Variants in IQCK observed in about 807,000 individuals in gnomAD.
IQCK encodes IQ motif containing K.
A neutral mutation model predicts 28.1 loss-of-function variants in IQCK; 29 were observed. The observed-to-expected ratio is 1.03, with a 90% CI of 0.77 to 1.41. IQCK has a LOEUF of 1.41. Among genes scored for constraint, IQCK ranks in the 40% most tolerant of loss-of-function variants. The probability of loss-of-function intolerance (pLI) is 0.00; values close to 1 mark genes in which losing one functional copy is unlikely to be tolerated. For missense variants in IQCK, 359 were observed against 314.7 expected (o/e 1.14, Z -1.07); for synonymous variants, 113 against 115.1 (o/e 0.98, Z 0.12).
chr16:19,743,966 TTGTGTGG>T (rs899672689), intron 4 of IQCK, among the ~76,000 whole-genome samples: 2 of 152,042 alleles, frequency 1.3e-5, no homozygotes, highest in Non-Finnish European at 2.9e-5. Flanking sequence ...CACACATCTA[TTGTGTGG>T]TGTGTGGTGT....
intron 4 of IQCK, among the ~76,000 whole-genome samples, chr16:19,752,847 AGCCATCGTGCCCGG>A (rs1208499660): frequency 1.3e-5 from 2 of 152,150 alleles, no homozygotes; most frequent in African/African-American, 4.8e-5. Flanking sequence ...TACAGGTATG[AGCCATCGTGCCCGG>A]ACCTTTTAAA....
Position 19,735,346 on chromosome 16 carries a change from G to A in IQCK, c.377-7G>A. 1 of 1,608,950 alleles carries A rather than the reference G, an allele frequency of 6.2e-7. No homozygotes were observed. The highest frequency in any genetic ancestry group is 8.5e-7 in the Non-Finnish European group (1 of 1,175,356). The stretch of plus-strand genomic sequence containing the variant: ...TTGCAGGGGGAATTTTTGTTTGTTT[G>A]TTTTAGGTTCTCCCAAAGAATATTT... On this transcript the variant is annotated splice_polypyrimidine_tract_variant and splice_region_variant and intron_variant, in intron 3 of 7. Coordinates refer to ENST00000564186, the Ensembl canonical transcript of IQCK.
chr16:19,819,700 C>T (rs1043147707), intron 7 of IQCK: 1 of 152,340 alleles, frequency 6.6e-6, no homozygotes, highest in Non-Finnish European at 1.5e-5. Flanking sequence ...ATTTACCACT[C>T]CTATACCTTA....
At chr16:19,822,426 A>G (rs567976663) in intron 7 of IQCK, among the ~76,000 whole-genome samples, 80 of 152,052 alleles carry the variant, frequency 5.3e-4, no homozygotes, top group African/African-American at 1.9e-3. Context: ...TGTCCCATTA[A>G]GTGATGAATG....
chr16:19,810,515 A>G (rs550241672), intron 7 of IQCK, among the ~76,000 whole-genome samples: 1 of 144,498 alleles, frequency 6.9e-6, no homozygotes, highest in East Asian at 2.2e-4. Context: ...AAAAAGAAAA[A>G]GAAAATAGAG....
intron 4 of IQCK, among the ~76,000 whole-genome samples, chr16:19,745,906 G>C (rs942215562): frequency 6.6e-6 from 1 of 152,180 alleles, no homozygotes; most frequent in African/African-American, 2.4e-5. Context: ...GGCCAGCCCA[G>C]CTCCTTTACA....
chr16:19,767,407 G>A (rs890556502), intron 6 of IQCK, among the ~76,000 whole-genome samples: 1 of 152,116 alleles, frequency 6.6e-6, no homozygotes, highest in African/African-American at 2.4e-5. Context: ...GCCGATGGAG[G>A]AGCCAGAAGG....
At chr16:19,768,126 A>G (rs1054462083) in intron 6 of IQCK, among the ~76,000 whole-genome samples, 6 of 151,774 alleles carry the variant, frequency 4.0e-5, no homozygotes, top group Admixed American at 3.9e-4. Context: ...AATAAATAAT[A>G]TAATTGAGCC....
intron 9 of IQCK, among the ~76,000 whole-genome samples, chr16:19,842,888 A>G (rs1057202682): frequency 6.6e-6 from 1 of 152,210 alleles, no homozygotes; most frequent in East Asian, 1.9e-4. Context: ...CTTATAACAC[A>G]GACAGCTTGT....
At chr16:19,733,502 T>G (rs1406422367) in intron 2 of IQCK, among the ~76,000 whole-genome samples, 196 bp from the exon 3 acceptor site, 1 of 152,138 alleles carries the variant, frequency 6.6e-6, no homozygotes, top group African/African-American at 2.4e-5. Context: ...CTGGTCCTTC[T>G]TTTCTCTATC....
rs541440641 is a variant in IQCK, at chr16:19,718,490, A to G, written c.181+3A>G. The G allele has an allele frequency of 4.8e-5, 77 of 1,600,012 alleles. No individual in the cohort carries two copies. In the South Asian group the frequency reaches 8.0e-4, roughly 17 times the overall value. ...TCTGTGGGAGCAGATCTGCAAGGGTAGGAAACCTGGGCTGGCCGAGAGGGG... is the reference window on the plus strand; with the variant it reads ...TCTGTGGGAGCAGATCTGCAAGGGTGGGAAACCTGGGCTGGCCGAGAGGGG... On this transcript the variant is annotated splice_donor_region_variant and intron_variant, in intron 1 of 7. Coordinates refer to ENST00000564186, the Ensembl canonical transcript of IQCK.
chr16:19,732,689 C>T (rs1395955342), intron 2 of IQCK, among the ~76,000 whole-genome samples: 2 of 152,166 alleles, frequency 1.3e-5, no homozygotes. Flanking sequence ...TCTCAAACTC[C>T]TAGACTCAAG....
rs1472985923 is a variant in IQCK, at chr16:19,799,640, A to ACACAC, written c.690+10719_690+10720insACACC. 2.1e-4 allele frequency among the ~76,000 whole-genome samples: 24 copies of ACACAC among 111,798 alleles called. 3 individuals carry two copies. The highest frequency in any genetic ancestry group is 9.7e-4 in the African/African-American group (21 of 21,666). 73.3% of individuals were successfully genotyped at this position (111,798 alleles called of 152,430 possible). On this transcript the variant is annotated intron_variant, in intron 7 of 7. Transcript: ENST00000564186. ...CACACACACACACACACACACACACACCCAGTGAATACATTGAGTCATAAC... is the reference window on the plus strand; with the variant it reads ...CACACACACACACACACACACACACACACACCCCAGTGAATACATTGAGTCATAAC...
chr16:19,857,853 A>G (rs1426869207), exon 10 of IQCK: 2 of 153,774 alleles, frequency 1.3e-5, no homozygotes, highest in East Asian at 1.9e-4. Flanking sequence ...AAGCTGTCAG[A>G]GCTGACTCCC....
intron 9 of IQCK, among the ~76,000 whole-genome samples, chr16:19,842,735 A>G (rs1191769355): frequency 6.6e-6 from 1 of 152,232 alleles, no homozygotes; most frequent in African/African-American, 2.4e-5. Flanking sequence ...TATAGTTAGC[A>G]TATCTAAATT....
At chr16:19,833,346 C>G (rs577930326) in intron 9 of IQCK, among the ~76,000 whole-genome samples, 2 of 152,046 alleles carry the variant, frequency 1.3e-5, no homozygotes, top group East Asian at 3.9e-4. Flanking sequence ...GCCATTTGTT[C>G]GGGAAATACT....
At chr16:19,768,896 G>C (rs912691222) in intron 6 of IQCK, among the ~76,000 whole-genome samples, 1 of 152,124 alleles carries the variant, frequency 6.6e-6, no homozygotes, top group African/African-American at 2.4e-5. Context: ...TAGTTTCTCT[G>C]GGTCAGGAAT....
intron 1 of IQCK, among the ~76,000 whole-genome samples, chr16:19,720,836 T>G (rs1977469525): frequency 6.6e-6 from 1 of 152,114 alleles, no homozygotes; most frequent in Non-Finnish European, 1.5e-5. Context: ...GGCCAACATG[T>G]TGAAACCCTG....
chr16:19,751,232 C>T (rs989734611), intron 4 of IQCK, among the ~76,000 whole-genome samples: 2 of 152,122 alleles, frequency 1.3e-5, no homozygotes, highest in South Asian at 2.1e-4. Flanking sequence ...GTAGTTCACA[C>T]CCGTTATCCC....
Sources: allele counts gnomAD v4.1 joint callset (sites outside exome capture counted in the v4.1 genomes callset), GRCh38; gene constraint gnomAD v4.1.1; transcripts MANE v1.5; gene names NCBI Gene and HGNC (gene_info 2026-07-23, HGNC 2026-07-21).